The following RNASET2 variants were observed in gnomAD, a reference collection of about 807,000 sequenced individuals.
The protein encoded by RNASET2 is ribonuclease T2, also known as ribonuclease 6.
In RNASET2, 28 loss-of-function variants were observed where a neutral mutation model predicts 33.9. That is an observed-to-expected ratio of 0.83 (90% confidence interval 0.61 to 1.13). The LOEUF (loss-of-function observed/expected upper bound fraction) is 1.13. Among genes scored for constraint, RNASET2 ranks in the 50% most tolerant of loss-of-function variants. The pLI, the probability that RNASET2 is intolerant of heterozygous loss-of-function variation, is 0.00. For synonymous variants in RNASET2, 123 were observed against 121.0 expected (o/e 1.02, Z -0.11); for missense variants, 330 against 319.9 (o/e 1.03, Z -0.24).
rs1185572377 is a variant in RNASET2, at chr6:166,926,676, C to T, written c.*2912G>A. ...TGCTTTCCAGGTGACAAAGCATTGT[C>T]CCCTCCCAGGCCAAGAGAAATGCTC... On this transcript the variant is annotated 3_prime_UTR_variant, in exon 9 of 9. Coordinates refer to ENST00000508775, the MANE Select transcript of RNASET2 (RefSeq NM_003730.6). Among the ~76,000 whole-genome samples, 1 of 152,154 alleles carries T rather than the reference C, an allele frequency of 6.6e-6. No homozygotes were observed. Among genetic ancestry groups the T allele is most frequent in the Non-Finnish European group, 1.5e-5 (1 of 68,028 alleles).
At position 166,942,610 on chromosome 6, in the gene RNASET2, C is replaced by T. The variant is rs185022031; in HGVS notation, c.332+409G>A. On this transcript the variant is annotated intron_variant, in intron 5 of 8. Coordinates refer to ENST00000508775, the MANE Select transcript of RNASET2 (RefSeq NM_003730.6). The stretch of plus-strand genomic sequence containing the variant: ...CCGCACAATACCACATCTAGCTGAC[C>T]TTTTAAATTTTTGGTAGAGGTGGCA... Among the ~76,000 whole-genome samples the T allele has an allele frequency of 2.1e-3, 316 of 151,928 alleles. 4 individuals are homozygous for T. The highest frequency in any genetic ancestry group is 0.018 in the Admixed American group (269 of 15,270).
chr6:166,927,807 G>A lies in RNASET2; in HGVS notation c.*1781C>T, dbSNP rs9459807. The stretch of plus-strand genomic sequence containing the variant: ...TAAAGTACACCCACTCCCTGAGGAC[G>A]CAGAGCAAATGCAGGAAATCACGCC... On this transcript the variant is annotated 3_prime_UTR_variant, in exon 9 of 9. Coordinates refer to ENST00000508775, the MANE Select transcript of RNASET2 (RefSeq NM_003730.6). 0.024 allele frequency among the ~76,000 whole-genome samples: 3,641 copies of A among 150,684 alleles called. 149 individuals are homozygous for A. The highest frequency in any genetic ancestry group is 0.085 in the African/African-American group (3,462 of 40,866).
intron 8 of RNASET2, among the ~76,000 whole-genome samples, chr6:166,930,749 C>T (rs1562492863): frequency 1.3e-5 from 2 of 149,620 alleles, no homozygotes; most frequent in Admixed American, 6.7e-5. Flanking sequence ...AATGTACACA[C>T]ATGCACACAC....
At chr6:166,937,852 C>G (rs990674980) in intron 6 of RNASET2, among the ~76,000 whole-genome samples, 1 of 152,152 alleles carries the variant, frequency 6.6e-6, no homozygotes, top group African/African-American at 2.4e-5. Flanking sequence ...TAATCTTGAT[C>G]CCCGCTAACC....
Position 166,956,458 on chromosome 6 carries a change from A to C in RNASET2, c.-276T>G. On this transcript the variant is annotated 5_prime_UTR_variant, in exon 1 of 9. Transcript: ENST00000508775. ...CTTCAGGATCGTGCACCAAGCGCGC[A>C]CGTCCCGGGCTCTGCTTCGCGACCC... 2.0e-6 allele frequency: 1 copy of C among 499,012 alleles called. No homozygotes were observed. The allele number at this position is 499,012 out of a possible 1,614,324, so 30.9% of individuals were successfully genotyped here.
rs1778898790 is a variant in RNASET2 at position 166,948,354 on chromosome 6, A to T, written c.203+216T>A. The T allele has an allele frequency of 4.7e-6, 3 of 631,776 alleles. No individual in the cohort carries two copies. The East Asian group carries it at 8.7e-5, about 18-fold the overall frequency. The allele number at this position is 631,776 out of a possible 1,614,324, so 39.1% of individuals were successfully genotyped here. ...GAGTAAGACTCTGTCTCAGAAAAAAAAAAAAAAAGTGTTATTGTTCTATGA... is the reference window on the plus strand; with the variant it reads ...GAGTAAGACTCTGTCTCAGAAAAAATAAAAAAAAGTGTTATTGTTCTATGA... On this transcript the variant is annotated intron_variant, in intron 3 of 8. Transcript: ENST00000508775.
At position 166,928,216 on chromosome 6, in the gene RNASET2, C is replaced by T. The variant is rs1778337268; in HGVS notation, c.*1372G>A. Reference sequence around the variant, plus strand: ...AGGGCCAGAGGCCGTCCTGTGTCTCCTTTAATGCCTGCGGGGGACGCAGAG... The same window carrying T: ...AGGGCCAGAGGCCGTCCTGTGTCTCTTTTAATGCCTGCGGGGGACGCAGAG... On this transcript the variant is annotated 3_prime_UTR_variant, in exon 9 of 9. Coordinates refer to ENST00000508775, the MANE Select transcript of RNASET2 (RefSeq NM_003730.6). Among the ~76,000 whole-genome samples the T allele has an allele frequency of 6.6e-6, 1 of 152,212 alleles. No individual in the cohort carries two copies. Among genetic ancestry groups the T allele is most frequent in the African/African-American group, 2.4e-5 (1 of 41,456 alleles).
At chr6:166,931,358 C>G in intron 7 of RNASET2, 3 of 562,904 alleles carry the variant, frequency 5.3e-6, no homozygotes, top group Non-Finnish European at 9.6e-6. Context: ...CCTCTCTGCT[C>G]CTGTTTCTCT....
At chr6:166,955,041 G>A (rs1407691477) in intron 1 of RNASET2, among the ~76,000 whole-genome samples, 1 of 93,196 alleles carries the variant, frequency 1.1e-5, no homozygotes, top group Non-Finnish European at 1.9e-5. Flanking sequence ...ATGTAAGTAA[G>A]AAATCCTATT....
At position 166,956,426 on chromosome 6, in the gene RNASET2, A is replaced by G. The variant is rs1779168700; in HGVS notation, c.-244T>C. The stretch of plus-strand genomic sequence containing the variant: ...AGCCCTGGCGACCCGGGCCCCTCGG[A>G]GCTCCCCTTCAGGATCGTGCACCAA... On this transcript the variant is annotated 5_prime_UTR_variant, in exon 1 of 9. Coordinates refer to ENST00000508775, the MANE Select transcript of RNASET2 (RefSeq NM_003730.6). 1 of 562,550 alleles carries G rather than the reference A, an allele frequency of 1.8e-6. No individual in the cohort carries two copies. Among genetic ancestry groups the G allele is most frequent in the Admixed American group, 3.1e-5 (1 of 31,988 alleles). 34.8% of individuals were successfully genotyped at this position (562,550 alleles called of 1,614,324 possible).
At chr6:166,948,686 A>C (rs1326935907) in intron 2 of RNASET2, 61 bp from the exon 3 acceptor site, 2 of 1,004,140 alleles carry the variant, frequency 2.0e-6, no homozygotes, top group East Asian at 4.7e-5. Context: ...ACACTTAGGA[A>C]CCCTATTAAA....
chr6:166,938,727 T>C (rs1365192429), intron 6 of RNASET2, 168 bp downstream of exon 6: 2 of 772,578 alleles, frequency 2.6e-6, no homozygotes, highest in South Asian at 2.7e-5. Context: ...AAAGGCTTGG[T>C]AGGCTCAGAA....
chr6:166,946,067 G>A (rs183149085), intron 4 of RNASET2, among the ~76,000 whole-genome samples: 179 of 152,282 alleles, frequency 1.2e-3, no homozygotes, highest in African/African-American at 4.2e-3. Context: ...GGAAAGATGA[G>A]GGCGTGTGTG....
At chr6:166,939,583 C>T (rs1413195096) in intron 5 of RNASET2, among the ~76,000 whole-genome samples, 1 of 152,210 alleles carries the variant, frequency 6.6e-6, no homozygotes, top group Admixed American at 6.5e-5. Context: ...GCTGCCCCAA[C>T]CCCCACTGAT....
intron 2 of RNASET2, among the ~76,000 whole-genome samples, chr6:166,950,014 AT>A (rs1041201137): frequency 9.9e-5 from 15 of 151,968 alleles, no homozygotes; most frequent in Non-Finnish European, 1.3e-4. Flanking sequence ...TTTGCTACAG[AT>A]TTTTTTTTAA....
chr6:166,951,244 T>C (rs1374439187), intron 2 of RNASET2, among the ~76,000 whole-genome samples: 1 of 152,254 alleles, frequency 6.6e-6, no homozygotes, highest in East Asian at 1.9e-4. Flanking sequence ...CTTTCACTAA[T>C]TCTGCTACTG....
intron 1 of RNASET2, among the ~76,000 whole-genome samples, chr6:166,953,838 T>C (rs1583237226): frequency 6.8e-6 from 1 of 147,540 alleles, no homozygotes; most frequent in South Asian, 2.1e-4. Flanking sequence ...CCAGATCACA[T>C]CACTGCACTC....
At position 166,929,098 on chromosome 6, in the gene RNASET2, G is replaced by A. The variant is rs1778351058; in HGVS notation, c.*490C>T. 6.6e-6 allele frequency among the ~76,000 whole-genome samples: 1 copy of A among 152,230 alleles called. No homozygotes were observed. Among genetic ancestry groups the A allele is most frequent in the Non-Finnish European group, 1.5e-5 (1 of 68,036 alleles). On this transcript the variant is annotated 3_prime_UTR_variant, in exon 9 of 9. Transcript: ENST00000508775. Reference sequence around the variant, plus strand: ...ACAACGGAGCAGCTGGCTAAGGAACGATGTCCTGGGGCTCTGGTCACATGG... The same window carrying A: ...ACAACGGAGCAGCTGGCTAAGGAACAATGTCCTGGGGCTCTGGTCACATGG...
rs1778266453 is a variant in RNASET2 at position 166,923,698 on chromosome 6, A to C, written c.*5890T>G. Among the ~76,000 whole-genome samples, 1 of 152,216 alleles carries C rather than the reference A, an allele frequency of 6.6e-6. No individual in the cohort carries two copies. The highest frequency in any genetic ancestry group is 2.4e-5 in the African/African-American group (1 of 41,460). On this transcript the variant is annotated 3_prime_UTR_variant, in exon 9 of 9. Transcript: ENST00000508775. ...TCTGTCAGAGATTTTGCTTCAGATAAGAAAACCCTCACTACTGCCCCTTCT... is the reference window on the plus strand; with the variant it reads ...TCTGTCAGAGATTTTGCTTCAGATACGAAAACCCTCACTACTGCCCCTTCT...
Sources: allele counts gnomAD v4.1 joint callset (sites outside exome capture counted in the v4.1 genomes callset), GRCh38; gene constraint gnomAD v4.1.1; transcripts MANE v1.5; gene names NCBI Gene and HGNC (gene_info 2026-07-23, HGNC 2026-07-21).